GALNT8: variants seen among roughly 807,000 people sequenced by gnomAD.
The protein encoded by GALNT8 is polypeptide N-acetylgalactosaminyltransferase 8, also known as probable polypeptide N-acetylgalactosaminyltransferase 8.
A neutral mutation model predicts 62.7 loss-of-function variants in GALNT8; 66 were observed. The ratio of observed to expected loss-of-function variants is 1.05; its 90% confidence interval spans 0.86 to 1.29. The LOEUF (loss-of-function observed/expected upper bound fraction) is 1.29, where lower values mean the gene tolerates loss of function less well. Among genes scored for constraint, GALNT8 ranks in the 50% most tolerant of loss-of-function variants. The pLI is 0.00. For synonymous variants in GALNT8, 288 were observed against 294.3 expected, an observed-to-expected ratio of 0.98 and a Z score of 0.22; for missense variants, 771 against 791.8, an observed-to-expected ratio of 0.97 and a Z score of 0.32.
intron 7 of GALNT8, among the ~76,000 whole-genome samples, chr12:4,761,958 G>A (rs1434109787): frequency 1.3e-5 from 2 of 152,182 alleles, no homozygotes; most frequent in Non-Finnish European, 2.9e-5. Context: ...ACCTAGAAGA[G>A]AAAGTCTGGA....
At chr12:4,734,092 A>G in intron 2 of GALNT8, among the ~76,000 whole-genome samples, 1 of 152,322 alleles carries the variant, frequency 6.6e-6, no homozygotes, top group African/African-American at 2.4e-5. Context: ...CCTTATGCAC[A>G]TTACCACATT....
intron 6 of GALNT8, among the ~76,000 whole-genome samples, chr12:4,747,795 A>G (rs927024694): frequency 6.6e-6 from 1 of 152,086 alleles, no homozygotes; most frequent in Non-Finnish European, 1.5e-5. Context: ...GGAACCTACA[A>G]ACTGTTCTCC....
At chr12:4,733,065 A>G (rs1273806475) in intron 2 of GALNT8, among the ~76,000 whole-genome samples, 1 of 152,140 alleles carries the variant, frequency 6.6e-6, no homozygotes, top group Non-Finnish European at 1.5e-5. Context: ...TCCAACCAAC[A>G]AATACTTTTT....
intron 10 of GALNT8, among the ~76,000 whole-genome samples, chr12:4,770,505 A>G (rs7300965): frequency 0.015 from 2,225 of 152,224 alleles, 63 homozygotes; most frequent in African/African-American, 0.051. Flanking sequence ...TATTGGTCAC[A>G]ATAATTTATT....
chr12:4,726,939 G>A lies in GALNT8; in HGVS notation c.509+110G>A. 1 of 903,084 alleles carries A rather than the reference G, an allele frequency of 1.1e-6. No homozygotes were observed. Among genetic ancestry groups the A allele is most frequent in the East Asian group, 2.4e-5 (1 of 41,232 alleles). 55.9% of individuals were successfully genotyped at this position (903,084 alleles called of 1,614,324 possible). ...GGAGTGGGGGATTGTTGGGGAAGGGGTTCAGGCTGAGCAAAGTTGTTGTTT... is the reference window on the plus strand; with the variant it reads ...GGAGTGGGGGATTGTTGGGGAAGGGATTCAGGCTGAGCAAAGTTGTTGTTT... On this transcript the variant is annotated intron_variant, in intron 2 of 10. Transcript: ENST00000252318. The surrounding 1 kb of genome is among the most constrained non-coding windows in gnomAD (Gnocchi z 4.1).
At chr12:4,739,375 A>C in intron 3 of GALNT8, 46 bp downstream of exon 3, 2 of 1,513,794 alleles carry the variant, frequency 1.3e-6, no homozygotes, top group Non-Finnish European at 1.8e-6. Flanking sequence ...ACCACTTATC[A>C]TCTGTGCTTG....
intron 6 of GALNT8, among the ~76,000 whole-genome samples, chr12:4,750,546 A>G (rs1298426167): frequency 6.6e-6 from 1 of 152,130 alleles, no homozygotes; most frequent in Non-Finnish European, 1.5e-5. Flanking sequence ...GCTGCACGGT[A>G]TTCCTTGGTG....
At chr12:4,770,624 A>G (rs1210867398) in intron 10 of GALNT8, among the ~76,000 whole-genome samples, 1 of 152,196 alleles carries the variant, frequency 6.6e-6, no homozygotes, top group Non-Finnish European at 1.5e-5. Flanking sequence ...GTCTTATATG[A>G]GAAGTGTGAT....
chr12:4,743,076 G>A (rs1389695759), intron 3 of GALNT8, among the ~76,000 whole-genome samples: 2 of 152,154 alleles, frequency 1.3e-5, no homozygotes, highest in African/African-American at 2.4e-5. Flanking sequence ...GGCCTCAATC[G>A]CCTGGGCTTA....
At chr12:4,765,580 G>A in intron 10 of GALNT8, 34 bp downstream of exon 10, 1 of 1,470,676 alleles carries the variant, frequency 6.8e-7, no homozygotes, top group South Asian at 1.2e-5. Flanking sequence ...TGGTTTGTTT[G>A]TTTTGTTTTG....
At chr12:4,740,039 C>T (rs1591567491) in intron 3 of GALNT8, among the ~76,000 whole-genome samples, 2 of 152,222 alleles carry the variant, frequency 1.3e-5, no homozygotes, top group African/African-American at 4.8e-5. Flanking sequence ...CTCCAGATAC[C>T]AGGAAGGGAC....
In GALNT8 at chr12:4,754,597, G is replaced by A. The variant is rs1421655276; in HGVS notation, c.1174-6361G>A. Among the ~76,000 whole-genome samples the A allele has an allele frequency of 2.0e-5, 3 of 152,080 alleles. No individual in the cohort carries two copies. In the East Asian group the frequency reaches 5.8e-4, roughly 29 times the overall value. ...TAAGACTCACCCATCAGGGAAGTGG[G>A]CTCCCTTCTGGCCCAGAGCAGGTCC... On this transcript the variant is annotated intron_variant, in intron 6 of 10. Coordinates refer to ENST00000252318, the MANE Select transcript of GALNT8 (RefSeq NM_017417.2).
chr12:4,745,775 A>G, intron 5 of GALNT8, 149 bp downstream of exon 5: 2 of 651,044 alleles, frequency 3.1e-6, no homozygotes, highest in Non-Finnish European at 2.7e-6. Context: ...AGAGGGAAAA[A>G]ACCCCAATAA....
intron 1 of GALNT8, among the ~76,000 whole-genome samples, chr12:4,722,183 CTCTT>C (rs1946173933): frequency 1.3e-5 from 2 of 152,180 alleles, no homozygotes; most frequent in Non-Finnish European, 2.9e-5. Flanking sequence ...AATCTGATCT[CTCTT>C]TCCTTTCCCC....
chr12:4,746,838 T>G (rs932396008), intron 6 of GALNT8, among the ~76,000 whole-genome samples: 2 of 152,196 alleles, frequency 1.3e-5, no homozygotes, highest in African/African-American at 4.8e-5. Flanking sequence ...GCAGGCAGAT[T>G]GCTTGAGCCC....
In GALNT8 at chr12:4,753,374, T is replaced by C. The variant is rs548329554; in HGVS notation, c.1173+7116T>C. Reference sequence around the variant, plus strand: ...TTGCTTTGTATTCTTTTTTCTTTTGTCTCCTCTGACTATGTATTTTACAAA... The same window carrying C: ...TTGCTTTGTATTCTTTTTTCTTTTGCCTCCTCTGACTATGTATTTTACAAA... On this transcript the variant is annotated intron_variant, in intron 6 of 10. Transcript: ENST00000252318. Among the ~76,000 whole-genome samples the C allele has an allele frequency of 4.6e-5, 7 of 152,306 alleles. No homozygotes were observed. The East Asian group carries it at 1.2e-3, about 25-fold the overall frequency.
chr12:4,737,116 A>G (rs1262380567), intron 2 of GALNT8, among the ~76,000 whole-genome samples: 1 of 152,238 alleles, frequency 6.6e-6, no homozygotes, highest in Admixed American at 6.5e-5. Context: ...CTGGCTTTTA[A>G]GGAGCTTAGA....
intron 6 of GALNT8, among the ~76,000 whole-genome samples, chr12:4,755,054 C>T (rs1487352875): frequency 6.6e-6 from 1 of 152,174 alleles, no homozygotes; most frequent in African/African-American, 2.4e-5. Flanking sequence ...GTTGTACATC[C>T]TGGGGTTAGG....
chr12:4,767,019 C>G (rs987908338), intron 10 of GALNT8, among the ~76,000 whole-genome samples: 2 of 151,736 alleles, frequency 1.3e-5, no homozygotes, highest in Non-Finnish European at 2.9e-5. Flanking sequence ...TCACTTTAAG[C>G]TCCAATTCTA....
Sources: gnomAD v4.1 joint callset for allele counts (sites outside exome capture counted in the v4.1 genomes callset) on GRCh38, gnomAD v4.1.1 for gene constraint, Gnocchi (gnomAD v3.1) non-coding constraint, MANE v1.5 for transcripts, NCBI Gene and HGNC (gene_info 2026-07-23, HGNC 2026-07-21) for gene names.